Variants in MYL1 observed in about 807,000 individuals in gnomAD.
MYL1 encodes the protein myosin light chain 1.
In MYL1, 16 loss-of-function variants were observed where a neutral mutation model predicts 21.8. That is an observed-to-expected ratio of 0.74 (90% CI 0.50 to 1.12). The LOEUF is 1.12. MYL1 is among the 50% of genes most tolerant of loss of function. The probability of loss-of-function intolerance (pLI) is 0.00; values close to 1 mark genes in which losing one functional copy is unlikely to be tolerated. For missense variants in MYL1, 246 were observed against 241.0 expected (o/e 1.02, Z -0.14); for synonymous variants, 99 against 85.2 (o/e 1.16, Z -0.89).
At chr2:210,310,747 C>G (rs1202913553) in intron 1 of MYL1, among the ~76,000 whole-genome samples, 1 of 151,940 alleles carries the variant, frequency 6.6e-6, no homozygotes, top group South Asian at 2.1e-4. Context: ...TGAACTTGCT[C>G]TGATGTGTCT....
chr2:210,293,820 C>T lies in MYL1; in HGVS notation c.479-20G>A. On this transcript the variant is annotated intron_variant, in intron 4 of 6. Coordinates refer to ENST00000352451, the MANE Select transcript of MYL1 (RefSeq NM_079420.3). ...TTTCACCTGATGAAACAAAACTCTC[C>T]TTTCAGAAAGAAGGCCATGTGTTAT... is the stretch of plus-strand genomic sequence containing the variant. 1 of 1,611,534 alleles carries T rather than the reference C, an allele frequency of 6.2e-7. No individual in the cohort carries two copies. Among genetic ancestry groups the T allele is most frequent in the South Asian group, 1.1e-5 (1 of 91,010 alleles).
intron 3 of MYL1, among the ~76,000 whole-genome samples, chr2:210,295,311 G>T (rs1690155870): frequency 6.6e-6 from 1 of 152,022 alleles, no homozygotes; most frequent in South Asian, 2.1e-4. Context: ...TTGTATTAAA[G>T]ATAGATGTTG....
intron 2 of MYL1, among the ~76,000 whole-genome samples, chr2:210,299,158 G>A (rs953948750): frequency 1.3e-5 from 2 of 152,126 alleles, no homozygotes; most frequent in South Asian, 2.1e-4. Context: ...TAGGCTCCTC[G>A]TATAATCAGT....
intron 4 of MYL1, 140 bp downstream of exon 4, chr2:210,294,104 TG>T: frequency 1.1e-6 from 1 of 910,440 alleles, no homozygotes; most frequent in Non-Finnish European, 1.6e-6. Flanking sequence ...CCAATTGAAA[TG>T]GTCATTAACT....
Position 210,315,053 on chromosome 2 carries a change from A to G in MYL1, c.-11T>C. On this transcript the variant is annotated 5_prime_UTR_variant, in exon 1 of 7. Coordinates refer to ENST00000352451, the MANE Select transcript of MYL1 (RefSeq NM_079420.3). ...TTTCTTTGGTGCCATTTTTTTTTTT[A>G]AAAGGGTGGGTTAAAAAGAGAAGGA... 1 of 1,581,812 alleles carries G rather than the reference A, an allele frequency of 6.3e-7. No individual in the cohort carries two copies. Among genetic ancestry groups the G allele is most frequent in the Non-Finnish European group, 8.6e-7 (1 of 1,168,850 alleles).
intron 1 of MYL1, among the ~76,000 whole-genome samples, chr2:210,308,419 TATATATATATATATATA>T (rs1388620280): frequency 7.5e-6 from 1 of 134,008 alleles, no homozygotes; most frequent in Non-Finnish European, 1.6e-5. Context: ...TATATATATA[TATATATATATATATATA>T]TATATTCTAG....
rs184036902 is a variant in MYL1, at chr2:210,306,977, T to C, written c.133-4462A>G. 9.8e-5 allele frequency among the ~76,000 whole-genome samples: 15 copies of C among 152,324 alleles called. No homozygotes were observed. In the East Asian group the frequency reaches 2.9e-3, roughly 29 times the overall value. ...AGCTGGTTTTGGCTTCAGTTCTCTA[T>C]GTCATCAATTAGTTTTAAAGATCAG... On this transcript the variant is annotated intron_variant, in intron 1 of 6. Transcript: ENST00000352451.
intron 1 of MYL1, among the ~76,000 whole-genome samples, chr2:210,308,776 A>T (rs1690376651): frequency 6.6e-6 from 1 of 152,042 alleles, no homozygotes; most frequent in Admixed American, 6.6e-5. Flanking sequence ...TTGGTAAAGA[A>T]ATTTAAAGTT....
At chr2:210,301,502 T>A (rs1174778191) in intron 2 of MYL1, among the ~76,000 whole-genome samples, 1 of 152,060 alleles carries the variant, frequency 6.6e-6, no homozygotes. Flanking sequence ...ATTATAATTA[T>A]TTATATTTTC....
chr2:210,310,904 TGG>T (rs1161321915), intron 1 of MYL1, among the ~76,000 whole-genome samples: 1 of 152,080 alleles, frequency 6.6e-6, no homozygotes, highest in Non-Finnish European at 1.5e-5. Context: ...GTTTTGGATA[TGG>T]TTAACACAGT....
intron 1 of MYL1, among the ~76,000 whole-genome samples, chr2:210,313,055 A>C (rs1432373829): frequency 6.6e-6 from 1 of 151,922 alleles, no homozygotes; most frequent in Non-Finnish European, 1.5e-5. Flanking sequence ...ACTATGAACA[A>C]GTAATTGGCT....
intron 4 of MYL1, 147 bp downstream of exon 4, chr2:210,294,098 T>C: frequency 1.1e-6 from 1 of 879,674 alleles, no homozygotes; most frequent in South Asian, 2.0e-5. Context: ...CTGAGGCCAA[T>C]TGAAATGGTC....
Position 210,291,068 on chromosome 2 carries a change from A to C in MYL1, c.563T>G (p.Val188Gly). 1 of 1,610,336 alleles carries C rather than the reference A, an allele frequency of 6.2e-7. No homozygotes were observed. Among genetic ancestry groups the C allele is most frequent in the Non-Finnish European group, 8.5e-7 (1 of 1,176,978 alleles). ...SNGCINYEAF[V>G]KHIMSI ...CATTCAGATAGACATGATGTGCTTG[A>C]CAAAAGCTGTAGGAGCAAAATAGAC... Residue 188 changes from valine (V) to glycine (G), a missense_variant, in exon 6 of 7, where the codon GTC becomes GGC. Val to Gly is a moderately radical substitution (Grantham distance 109, BLOSUM62 -3). Transcript: ENST00000352451.
chr2:210,295,817 C>A (rs1483843690), intron 3 of MYL1, among the ~76,000 whole-genome samples: 4 of 147,164 alleles, frequency 2.7e-5, no homozygotes, highest in Non-Finnish European at 4.5e-5. Context: ...AGAGTGAGAC[C>A]CTGCCTCAGA....
At chr2:210,311,140 A>T (rs1690413036) in intron 1 of MYL1, among the ~76,000 whole-genome samples, 1 of 152,104 alleles carries the variant, frequency 6.6e-6, no homozygotes, top group South Asian at 2.1e-4. Flanking sequence ...TATAGATTTC[A>T]GAGCCTTTCG....
Position 210,294,291 on chromosome 2 carries a change from A to G in MYL1, c.432T>C (p.Asn144=), listed in dbSNP as rs772968528. Residue 144 remains asparagine (N), a synonymous_variant, in exon 4 of 7, where the codon AAT becomes AAC. Transcript: ENST00000352451. ...GGAGTTCAGCACCCATGACTGTGCC[A>G]TTGCCTTCCTTGTCAAAGACACGCA... ...EGLRVFDKEG[N]GTVMGAELRH... The G allele has an allele frequency of 8.7e-6, 14 of 1,613,994 alleles. No individual in the cohort carries two copies. Among genetic ancestry groups the G allele is most frequent in the Middle Eastern group, 1.7e-4 (1 of 6,060 alleles).
chr2:210,303,468 T>C, intron 1 of MYL1: 1 of 1,458,286 alleles, frequency 6.9e-7, no homozygotes, highest in Non-Finnish European at 9.4e-7. Context: ...TTTGCCTATC[T>C]TTCTTCTCAA....
At chr2:210,296,141 C>T (rs1363109616) in intron 3 of MYL1, among the ~76,000 whole-genome samples, 1 of 152,110 alleles carries the variant, frequency 6.6e-6, no homozygotes, top group Admixed American at 6.5e-5. Flanking sequence ...TTTTGTATCT[C>T]TTTCAAAAAT....
chr2:210,291,795 A>AC (rs1690079771), intron 5 of MYL1, among the ~76,000 whole-genome samples: 1 of 151,928 alleles, frequency 6.6e-6, no homozygotes. Context: ...TTGTTAAAAA[A>AC]ATTTGGCAGT....
Sources: gnomAD v4.1 joint callset for allele counts (sites outside exome capture counted in the v4.1 genomes callset) on GRCh38, gnomAD v4.1.1 for gene constraint, MANE v1.5 for transcripts, NCBI Gene and HGNC (gene_info 2026-07-23, HGNC 2026-07-21) for gene names.